ZFYVE1: variants seen among roughly 807,000 people sequenced by gnomAD.
ZFYVE1 encodes zinc finger FYVE domain-containing protein 1.
ZFYVE1 carries 30 observed loss-of-function variants against 74.4 expected under a neutral mutation model. That is an observed-to-expected ratio of 0.40 (90% CI 0.30 to 0.55). The LOEUF is 0.55. Among genes scored for constraint, ZFYVE1 ranks in the 20% least tolerant of loss-of-function variants. ZFYVE1 has a pLI of 0.42. For synonymous variants in ZFYVE1, 335 were observed against 385.1 expected (o/e 0.87, Z 1.52); for missense variants, 703 against 1,011.6 (o/e 0.69, Z 4.14).
At position 72,998,160 on chromosome 14, in the gene ZFYVE1, G is replaced by C. The variant is rs1224640570; in HGVS notation, c.639C>G (p.Thr213=). The C allele has an allele frequency of 6.2e-7, 1 of 1,613,938 alleles. No homozygotes were observed. Among genetic ancestry groups the C allele is most frequent in the Non-Finnish European group, 8.5e-7 (1 of 1,180,024 alleles). The change falls in exon 3 of 12, where the codon ACC becomes ACG. Residue 213 remains threonine (T), a synonymous_variant. Coordinates refer to ENST00000556143, the MANE Select transcript of ZFYVE1 (RefSeq NM_021260.4). ...ACACTCCCACAGTGCAGGACTCCTG[G>C]GTCGGGGAGGTTTTAAAGACTTCAC... ...YGREVFKTSP[T]QESCTVGVWA... is the part of the protein sequence containing the mutation.
At chr14:73,023,316 A>ATATAATATATATTATATATGTTT in intron 2 of ZFYVE1, among the ~76,000 whole-genome samples, 1 of 73,070 alleles carries the variant, frequency 1.4e-5, no homozygotes, top group East Asian at 3.5e-4. Context: ...TATATGTTTT[A>ATATAATATATATTATATATGTTT]TATATAATAT....
intron 10 of ZFYVE1, among the ~76,000 whole-genome samples, chr14:72,974,542 C>T (rs1430078918): frequency 6.6e-6 from 1 of 152,206 alleles, no homozygotes; most frequent in Admixed American, 6.5e-5. Context: ...GCTATGTGCG[C>T]ATTCCCTTCC....
intron 1 of ZFYVE1, 108 bp downstream of exon 1, chr14:73,026,818 G>T (rs1355141698): frequency 1.3e-4 from 3 of 22,954 alleles, no homozygotes; most frequent in Non-Finnish European, 2.6e-4. Flanking sequence ...CGCCGCACCC[G>T]CCCCCCCTTC....
intron 4 of ZFYVE1, among the ~76,000 whole-genome samples, chr14:72,992,623 C>G (rs1046779756): frequency 2.6e-5 from 3 of 116,748 alleles, no homozygotes; most frequent in South Asian, 6.8e-4. Context: ...GTGCCCCCCC[C>G]GCCCCTTGCA....
At chr14:73,004,473 T>C (rs1182358874) in intron 2 of ZFYVE1, among the ~76,000 whole-genome samples, 1 of 151,988 alleles carries the variant, frequency 6.6e-6, no homozygotes, top group African/African-American at 2.4e-5. Flanking sequence ...TATATATATA[T>C]ATAACTCATA....
intron 2 of ZFYVE1, among the ~76,000 whole-genome samples, chr14:73,018,259 C>T (rs1894240243): frequency 6.6e-6 from 1 of 151,848 alleles, no homozygotes; most frequent in African/African-American, 2.4e-5. Flanking sequence ...AGTAAAACCC[C>T]ATCTCTACTA....
intron 2 of ZFYVE1, among the ~76,000 whole-genome samples, chr14:73,015,008 A>G (rs1894160096): frequency 6.6e-6 from 1 of 151,902 alleles, no homozygotes; most frequent in African/African-American, 2.4e-5. Context: ...GCTGAGGCAG[A>G]TCACTTGAGG....
Position 72,978,826 on chromosome 14 carries a change from C to A in ZFYVE1, c.1419+35G>T, listed in dbSNP as rs201800459. The A allele has an allele frequency of 3.8e-6, 6 of 1,576,102 alleles. No homozygotes were observed. The South Asian group carries it at 4.4e-5, about 12-fold the overall frequency. On this transcript the variant is annotated intron_variant, in intron 6 of 11. Transcript: ENST00000556143. ...CCAAAGAGAGAGTGGTCAGCAAGCC[C>A]GCTGCTGACACAGGGAGGAGCTCGG...
In ZFYVE1 at chr14:72,975,574, A is replaced by C; in HGVS notation, c.1783T>G (p.Trp595Gly). The C allele has an allele frequency of 6.2e-7, 1 of 1,613,476 alleles. No homozygotes were observed. The highest frequency in any genetic ancestry group is 8.5e-7 in the Non-Finnish European group (1 of 1,179,782). The part of the protein sequence containing the change: ...WLTDQIAPAY[W>G]RPNSQILSCN... ...ACCAGAATCTGGGAGTTGGGCCTCC[A>C]GTAGGCAGGGGCGATCTGGTCTGTC... Residue 595 changes from tryptophan (W) to glycine (G), a missense_variant, in exon 9 of 12, where the codon TGG (tryptophan) becomes GGG (glycine). Trp to Gly is a radical substitution (Grantham distance 184). Transcript: ENST00000556143. The surrounding 1 kb of genome is among the most constrained non-coding windows in gnomAD (Gnocchi z 4.1).
At chr14:72,979,159 A>G (rs1417184442) in intron 5 of ZFYVE1, 190 bp from the exon 6 acceptor site, 2 of 567,054 alleles carry the variant, frequency 3.5e-6, no homozygotes, top group African/African-American at 1.9e-5. Context: ...AATCAACAGC[A>G]CTACAGAGGC....
chr14:72,974,772 A>G lies in ZFYVE1; in HGVS notation c.1987+7T>C, dbSNP rs763584103. ...TCCACCCCTGCAGCTCCCAGGTCCC[A>G]CGTTACCTAACTGGACGTTCCTGGC... On this transcript the variant is annotated splice_region_variant and intron_variant, in intron 10 of 11. Transcript: ENST00000556143. The G allele has an allele frequency of 6.3e-7, 1 of 1,591,738 alleles. No homozygotes were observed. The highest frequency in any genetic ancestry group is 1.1e-5 in the South Asian group (1 of 90,392).
chr14:73,024,617 C>CT lies in ZFYVE1; in HGVS notation c.-110dup. ...GACTGCACGAAACTTCCACAGGGTT[C>CT]TGAACACTTTAAAAAAGAACACCTT... On this transcript the variant is annotated 5_prime_UTR_variant, in exon 2 of 12. Coordinates refer to ENST00000556143, the MANE Select transcript of ZFYVE1 (RefSeq NM_021260.4). 2.8e-6 allele frequency: 4 copies of CT among 1,436,930 alleles called. No homozygotes were observed. Among genetic ancestry groups the CT allele is most frequent in the Non-Finnish European group, 3.7e-6 (4 of 1,080,984 alleles). 89.0% of individuals were successfully genotyped at this position (1,436,930 alleles called of 1,614,324 possible).
chr14:72,993,698 AAAC>A (rs888427541), intron 3 of ZFYVE1, among the ~76,000 whole-genome samples: 8 of 151,676 alleles, frequency 5.3e-5, no homozygotes, highest in African/African-American at 9.7e-5. Context: ...ACTCTATCTC[AAAC>A]AACAACAACA....
rs1894381729 is a variant in ZFYVE1 at position 73,023,375 on chromosome 14, TAA to T, written c.483+649_483+650del. 7.8e-5 allele frequency among the ~76,000 whole-genome samples: 2 copies of T among 25,784 alleles called. 1 individual carries two copies. Among genetic ancestry groups the T allele is most frequent in the African/African-American group, 2.1e-4 (2 of 9,458 alleles). The allele number at this position is 25,784 out of a possible 152,430, so 16.9% of individuals were successfully genotyped here. On this transcript the variant is annotated intron_variant, in intron 2 of 11. Coordinates refer to ENST00000556143, the MANE Select transcript of ZFYVE1 (RefSeq NM_021260.4). ...ATATATATTATATATGTTTTATATA[TAA>T]TATATATATTTTATGTGTTTTATAT... is the stretch of plus-strand genomic sequence containing the variant.
intron 11 of ZFYVE1, 96 bp from the exon 12 acceptor site, chr14:72,971,210 C>T: frequency 8.1e-7 from 1 of 1,228,856 alleles, no homozygotes; most frequent in South Asian, 1.4e-5. Context: ...GCTTATAATC[C>T]CAACTGCACA....
At chr14:73,022,906 T>C (rs1894346987) in intron 2 of ZFYVE1, among the ~76,000 whole-genome samples, 4 of 151,940 alleles carry the variant, frequency 2.6e-5, no homozygotes, top group African/African-American at 9.7e-5. Context: ...ATCGCGCCTG[T>C]AATCCCAGCA....
chr14:72,972,277 A>G (rs1322469747), intron 11 of ZFYVE1, among the ~76,000 whole-genome samples: 1 of 152,052 alleles, frequency 6.6e-6, no homozygotes, highest in African/African-American at 2.4e-5. Flanking sequence ...CACCTTCAAG[A>G]ACTGTGATGA....
At chr14:72,980,328 A>G (rs2140348590) in intron 5 of ZFYVE1, among the ~76,000 whole-genome samples, 1 of 152,264 alleles carries the variant, frequency 6.6e-6, no homozygotes, top group African/African-American at 2.4e-5. Flanking sequence ...GTTCTGGTAG[A>G]AGCAAAGACA....
chr14:73,023,289 A>ATATATAATATATATATGTTT (rs1894368820), intron 2 of ZFYVE1, among the ~76,000 whole-genome samples: 1 of 106,572 alleles, frequency 9.4e-6, no homozygotes, highest in Non-Finnish European at 1.8e-5. Flanking sequence ...TATATGTTTT[A>ATATATAATATATATATGTTT]TATATAATAT....
Sources: gnomAD v4.1 joint callset for allele counts (sites outside exome capture counted in the v4.1 genomes callset) on GRCh38, gnomAD v4.1.1 for gene constraint, Gnocchi (gnomAD v3.1) non-coding constraint, MANE v1.5 for transcripts, NCBI Gene and HGNC (gene_info 2026-07-23, HGNC 2026-07-21) for gene names.